Variants in OCA2 observed in about 807,000 individuals in gnomAD.
OCA2 encodes OCA2 melanosomal transmembrane protein, also known as P protein.
OCA2 carries 77 observed loss-of-function variants against 100.2 expected under a neutral mutation model. The observed-to-expected ratio is 0.77, with a 90% CI of 0.64 to 0.93. The LOEUF is 0.93. Among genes scored for constraint, OCA2 ranks in the 40% least tolerant of loss-of-function variants. The pLI, the probability that OCA2 is intolerant of heterozygous loss-of-function variation, is 0.00. For synonymous variants in OCA2, 432 were observed against 439.2 expected (o/e 0.98, Z 0.21); for missense variants, 1,062 against 1,089.1 (o/e 0.98, Z 0.35).
At chr15:28,095,850 A>G (rs915996026) in intron 1 of OCA2, among the ~76,000 whole-genome samples, 1 of 152,072 alleles carries the variant, frequency 6.6e-6, no homozygotes, top group African/African-American at 2.4e-5. Context: ...TCTGCAGCCA[A>G]CTCCCCTCTG....
chr15:27,734,424 G>A, the OCA2 span, among the ~76,000 whole-genome samples: 1 of 152,120 alleles, frequency 6.6e-6, no homozygotes, highest in Non-Finnish European at 1.5e-5. Context: ...AATCAGCACA[G>A]GATGGAGTGA....
intron 23 of OCA2, among the ~76,000 whole-genome samples, chr15:27,769,857 C>CCAGCACCTCGGCCTGTGTG (rs1022319986): frequency 6.6e-6 from 1 of 150,528 alleles, no homozygotes; most frequent in African/African-American, 2.4e-5. Context: ...CCTGCCCTCC[C>CCAGCACCTCGGCCTGTGTG]CAGCACCTCG....
intron 23 of OCA2, among the ~76,000 whole-genome samples, chr15:27,786,078 G>A (rs1322457172): frequency 6.6e-6 from 1 of 152,190 alleles, no homozygotes; most frequent in African/African-American, 2.4e-5. Flanking sequence ...TTGTCTTCAT[G>A]TATGTTGAAA....
At chr15:27,974,095 T>C (rs1481516781) in intron 14 of OCA2, among the ~76,000 whole-genome samples, 1 of 152,128 alleles carries the variant, frequency 6.6e-6, no homozygotes, top group East Asian at 1.9e-4. Flanking sequence ...AGTCTAGACT[T>C]TTCTAGGTAT....
At chr15:27,844,638 A>G (rs1350236338) in intron 23 of OCA2, among the ~76,000 whole-genome samples, 3 of 152,100 alleles carry the variant, frequency 2.0e-5, no homozygotes, top group Non-Finnish European at 4.4e-5. Context: ...AGCTGGGATT[A>G]CAGGTACATG....
chr15:27,911,328 G>T (rs2038387945), intron 19 of OCA2, among the ~76,000 whole-genome samples: 1 of 152,180 alleles, frequency 6.6e-6, no homozygotes, highest in Non-Finnish European at 1.5e-5. Context: ...GCTGTAGTTA[G>T]GAGGATTCCT....
chr15:27,844,866 G>C, intron 23 of OCA2, 93 bp downstream of exon 23: 1 of 907,320 alleles, frequency 1.1e-6, no homozygotes, highest in South Asian at 1.4e-5. Flanking sequence ...CTAAAAATAT[G>C]CTTATTTTAG....
At chr15:27,791,751 A>G (rs1463261382) in intron 23 of OCA2, among the ~76,000 whole-genome samples, 1 of 152,222 alleles carries the variant, frequency 6.6e-6, no homozygotes, top group Non-Finnish European at 1.5e-5. Flanking sequence ...AGGTGGCCCC[A>G]GCAGAGGGAC....
intron 2 of OCA2, among the ~76,000 whole-genome samples, chr15:28,045,665 G>T (rs1346176914): frequency 6.6e-6 from 1 of 152,164 alleles, no homozygotes; most frequent in African/African-American, 2.4e-5. Context: ...ACTTGCTTAT[G>T]TAACTGCCTC....
chr15:27,823,707 C>G (rs2034592621), intron 23 of OCA2, among the ~76,000 whole-genome samples: 2 of 152,178 alleles, frequency 1.3e-5, no homozygotes, highest in Admixed American at 1.3e-4. Context: ...CACTCTCTCC[C>G]TCCCCGAAAA....
At position 27,755,487 on chromosome 15, in the gene OCA2, G is replaced by C. The variant is rs1352504038; in HGVS notation, c.2433-15C>G. The C allele has an allele frequency of 6.2e-7, 1 of 1,600,878 alleles. No individual in the cohort carries two copies. The highest frequency in any genetic ancestry group is 8.6e-7 in the Non-Finnish European group (1 of 1,168,066). ...GGAAGCCCAGCCTGAAATACAAAGA[G>C]AAATGAGTTATGGCATCTGAAATCT... On this transcript the variant is annotated splice_polypyrimidine_tract_variant and intron_variant, in intron 23 of 23. Coordinates refer to ENST00000354638, the MANE Select transcript of OCA2 (RefSeq NM_000275.3).
chr15:27,742,037 G>T, the OCA2 span, among the ~76,000 whole-genome samples: 1 of 152,194 alleles, frequency 6.6e-6, no homozygotes, highest in African/African-American at 2.4e-5. Context: ...ATGGTTTTAG[G>T]AAATACACAT....
rs184195940 is a variant in OCA2 at position 27,845,783 on chromosome 15, G to A, written c.2339-731C>T. On this transcript the variant is annotated intron_variant, in intron 22 of 23. Coordinates refer to ENST00000354638, the MANE Select transcript of OCA2 (RefSeq NM_000275.3). ...CCAGTTTAGCTGAGTCCTGATGTCC[G>A]TGCACACACGGTTGAGGAAGAGTCG... is the stretch of plus-strand genomic sequence containing the variant. 4.1e-4 allele frequency among the ~76,000 whole-genome samples: 62 copies of A among 152,258 alleles called. 1 individual carries two copies. The South Asian group carries it at 8.5e-3, about 21-fold the overall frequency.
intron 19 of OCA2, among the ~76,000 whole-genome samples, chr15:27,924,396 C>CT (rs34422920): frequency 3.3e-5 from 5 of 151,604 alleles, no homozygotes; most frequent in South Asian, 2.1e-4. Flanking sequence ...AATTGTATGT[C>CT]TTTTTTTTAT....
chr15:28,069,354 T>TTCCCTC, intron 2 of OCA2, among the ~76,000 whole-genome samples: 2 of 101,004 alleles, frequency 2.0e-5, no homozygotes, highest in African/African-American at 7.9e-5. Context: ...ATGAAACACC[T>TTCCCTC]GCCCTCTCCC....
chr15:28,030,833 TA>T (rs1380453746), intron 3 of OCA2, among the ~76,000 whole-genome samples: 1 of 152,238 alleles, frequency 6.6e-6, no homozygotes, highest in Non-Finnish European at 1.5e-5. Context: ...TTTTGAGTCT[TA>T]AAAGAATGTG....
At chr15:28,005,474 C>T (rs2042064757) in intron 9 of OCA2, among the ~76,000 whole-genome samples, 1 of 152,184 alleles carries the variant, frequency 6.6e-6, no homozygotes, top group Non-Finnish European at 1.5e-5. Context: ...ATCGAGGCGT[C>T]GCAGGAACGC....
At chr15:27,985,874 G>A (rs1200158452) in intron 12 of OCA2, among the ~76,000 whole-genome samples, 1 of 152,086 alleles carries the variant, frequency 6.6e-6, no homozygotes, top group Non-Finnish European at 1.5e-5. Context: ...TGTATTTTTA[G>A]TAGAGATGAG....
At chr15:28,033,352 ATTCTTTCT>A (rs2042961690) in intron 2 of OCA2, among the ~76,000 whole-genome samples, 5 of 152,234 alleles carry the variant, frequency 3.3e-5, no homozygotes, top group Admixed American at 3.3e-4. Flanking sequence ...AATAACAGTA[ATTCTTTCT>A]GATCACGAAT....
Sources: gnomAD v4.1 joint callset for allele counts (sites outside exome capture counted in the v4.1 genomes callset) on GRCh38, gnomAD v4.1.1 for gene constraint, MANE v1.5 for transcripts, NCBI Gene and HGNC (gene_info 2026-07-23, HGNC 2026-07-21) for gene names.